The following PRH1 variants were observed in gnomAD, a reference collection of about 807,000 sequenced individuals.
PRH1 encodes the protein proline rich protein HaeIII subfamily 1, also known as salivary acidic proline-rich phosphoprotein 1/2.
Under a neutral mutation model 7.9 loss-of-function variants are expected in PRH1, and 7 were observed. The observed-to-expected ratio is 0.89, with a 90% CI of 0.50 to 1.67. PRH1 has a LOEUF of 1.67. Ranked by LOEUF, PRH1 falls within the 40% of genes most tolerant of loss-of-function variation. The pLI, the probability that PRH1 is intolerant of heterozygous loss-of-function variation, is 0.00. For missense variants in PRH1, 109 were observed against 223.6 expected, an observed-to-expected ratio of 0.49 and a Z score of 3.27; for synonymous variants, 45 against 80.8, an observed-to-expected ratio of 0.56 and a Z score of 2.38.
chr12:11,052,687 C>T (rs1282697269), intron 1 of PRH1, among the ~76,000 whole-genome samples: 2 of 152,124 alleles, frequency 1.3e-5, no homozygotes, highest in Non-Finnish European at 2.9e-5. Flanking sequence ...CCATTTCTTT[C>T]TCTCTATGCT....
chr12:10,953,587 A>C (rs1446483601), intron 2 of PRH1, among the ~76,000 whole-genome samples: 1 of 152,234 alleles, frequency 6.6e-6, no homozygotes, highest in Non-Finnish European at 1.5e-5. Context: ...AGAATGCACA[A>C]AACCTCCAAG....
intron 1 of PRH1, among the ~76,000 whole-genome samples, chr12:11,095,078 A>G (rs1945046246): frequency 2.7e-5 from 1 of 37,596 alleles, no homozygotes; most frequent in Non-Finnish European, 6.5e-5. Context: ...ACTCAACATT[A>G]TGTTTCTGAA....
rs1868768 is a variant in PRH1 at position 11,019,840 on chromosome 12, C to T, written c.-126+27180G>A. 2.0e-5 allele frequency among the ~76,000 whole-genome samples: 3 copies of T among 152,288 alleles called. No homozygotes were observed. In the East Asian group the frequency reaches 5.8e-4, roughly 29 times the overall value. On this transcript the variant is annotated intron_variant, in intron 1 of 3. Coordinates refer to the PRH1 transcript ENST00000539853. The stretch of plus-strand genomic sequence containing the variant: ...TCCCTAAAAACAAAAGTGTGTTTGG[C>T]AGCTGCTGGGAAGTTCCCTAACATT...
chr12:11,068,649 T>C (rs1234147400), intron 1 of PRH1, among the ~76,000 whole-genome samples: 1 of 152,198 alleles, frequency 6.6e-6, no homozygotes, highest in Non-Finnish European at 1.5e-5. Flanking sequence ...GTAACTAAGA[T>C]ACTAAAACAT....
At chr12:11,031,181 G>T in intron 1 of PRH1, 2 of 1,614,134 alleles carry the variant, frequency 1.2e-6, no homozygotes, top group East Asian at 2.2e-5. Context: ...TCTGGAGACC[G>T]CCAGAGCAGT....
In PRH1 at chr12:10,917,691, A is replaced by T. The variant is rs528597723; in HGVS notation, c.-58-33416T>A. ...ATTTATGTACACATTACAGTCCCCA[A>T]TTAGGAGACTAACAGGATGTTGAAG... On this transcript the variant is annotated intron_variant, in intron 2 of 3. Transcript: ENST00000539853. Among the ~76,000 whole-genome samples, 5 of 152,298 alleles carry T rather than the reference A, an allele frequency of 3.3e-5. No individual in the cohort carries two copies. In the East Asian group the frequency reaches 9.6e-4, roughly 29 times the overall value.
chr12:11,037,571 A>G (rs1392660448), intron 1 of PRH1, among the ~76,000 whole-genome samples: 1 of 152,264 alleles, frequency 6.6e-6, no homozygotes, highest in Non-Finnish European at 1.5e-5. Flanking sequence ...AGTATAATTT[A>G]TTGGAAATTC....
At chr12:11,031,263 C>T (rs1442611945) in intron 1 of PRH1, 12 of 1,613,848 alleles carry the variant, frequency 7.4e-6, no homozygotes, top group Non-Finnish European at 9.3e-6. Flanking sequence ...GCTATGAAGC[C>T]ATTAGCAAAA....
chr12:11,100,193 G>A (rs987020224), intron 1 of PRH1, among the ~76,000 whole-genome samples: 10 of 152,044 alleles, frequency 6.6e-5, no homozygotes, highest in African/African-American at 2.4e-4. Context: ...GGAAATACCG[G>A]AATGCATCAT....
At chr12:10,982,324 T>A (rs531725343) in intron 1 of PRH1, among the ~76,000 whole-genome samples, 1 of 152,342 alleles carries the variant, frequency 6.6e-6, no homozygotes, top group Admixed American at 6.5e-5. Flanking sequence ...CCATTTTATA[T>A]CTTTATTCAG....
intron 1 of PRH1, among the ~76,000 whole-genome samples, chr12:11,138,767 G>A (rs1238270769): frequency 6.6e-6 from 1 of 151,588 alleles, no homozygotes; most frequent in Non-Finnish European, 1.5e-5. Flanking sequence ...GGCCAGGTGT[G>A]GTGGCTCATA....
intron 2 of PRH1, among the ~76,000 whole-genome samples, chr12:10,927,088 C>T (rs771149206): frequency 1.5e-4 from 23 of 152,138 alleles, no homozygotes; most frequent in Non-Finnish European, 1.0e-4. Context: ...ATATGCTAGT[C>T]TCTTTTGCTG....
At chr12:11,083,844 TAA>T (rs1469649961) in intron 1 of PRH1, among the ~76,000 whole-genome samples, 36,452 of 96,752 alleles carry the variant, frequency 0.38, 5,168 homozygotes, top group Non-Finnish European at 0.47. Flanking sequence ...TTTTCAAACC[TAA>T]TAATTCCTCT....
chr12:11,105,795 AATT>A (rs1165304850), intron 1 of PRH1, among the ~76,000 whole-genome samples: 2 of 152,288 alleles, frequency 1.3e-5, no homozygotes, highest in East Asian at 3.9e-4. Context: ...CACCAAAGTA[AATT>A]TAATTTTTCA....
chr12:11,060,877 C>A (rs1473181990), intron 1 of PRH1, among the ~76,000 whole-genome samples: 2 of 152,372 alleles, frequency 1.3e-5, no homozygotes, highest in Non-Finnish European at 2.9e-5. Flanking sequence ...AATTGAATGA[C>A]CTTACCATCC....
intron 1 of PRH1, among the ~76,000 whole-genome samples, chr12:11,039,614 G>A (rs1480479402): frequency 2.0e-5 from 3 of 152,228 alleles, no homozygotes; most frequent in Non-Finnish European, 4.4e-5. Flanking sequence ...ACCTGGTAAA[G>A]GGAGCTTGGG....
chr12:10,909,243 A>C, intron 2 of PRH1: 1 of 1,613,748 alleles, frequency 6.2e-7, no homozygotes, highest in Non-Finnish European at 8.5e-7. Context: ...CAAATTCCCA[A>C]TTATGAATTC....
chr12:11,041,298 A>C (rs1277735418), intron 1 of PRH1, among the ~76,000 whole-genome samples: 1 of 146,142 alleles, frequency 6.8e-6, no homozygotes, highest in African/African-American at 2.6e-5. Context: ...CAAAAAAAAA[A>C]AAAAAAAAAA....
chr12:10,921,526 ATT>A (rs1950045218), intron 2 of PRH1, among the ~76,000 whole-genome samples: 3 of 152,104 alleles, frequency 2.0e-5, no homozygotes, highest in Non-Finnish European at 2.9e-5. Context: ...TGCTTCTCGT[ATT>A]TCTTGATCAG....
Sources: allele counts gnomAD v4.1 joint callset (sites outside exome capture counted in the v4.1 genomes callset), GRCh38; gene constraint gnomAD v4.1.1; transcripts MANE v1.5; gene names NCBI Gene and HGNC (gene_info 2026-07-23, HGNC 2026-07-21).